RECK: variants seen among roughly 807,000 people sequenced by gnomAD.
The protein encoded by RECK is reversion-inducing cysteine-rich protein with Kazal motifs.
RECK carries 69 observed loss-of-function variants against 115.1 expected under a neutral mutation model. The observed-to-expected ratio is 0.60, with a 90% CI of 0.49 to 0.73. The LOEUF (loss-of-function observed/expected upper bound fraction) is 0.73. Ranked by LOEUF, RECK falls within the 30% of genes least tolerant of loss-of-function variation. The probability of loss-of-function intolerance (pLI) is 0.00; values close to 1 mark genes in which losing one functional copy is unlikely to be tolerated. For missense variants in RECK, 1,047 were observed against 1,203.7 expected (o/e 0.87, Z 1.93); for synonymous variants, 414 against 419.7 (o/e 0.99, Z 0.17).
chr9:36,044,084 T>C (rs1400504697), intron 1 of RECK, among the ~76,000 whole-genome samples: 1 of 152,218 alleles, frequency 6.6e-6, no homozygotes, highest in Non-Finnish European at 1.5e-5. Flanking sequence ...ACAATATTGA[T>C]TCTACCCATC....
At chr9:36,058,753 A>G (rs78323948) in intron 2 of RECK, 74 bp from the exon 3 acceptor site, 64,520 of 825,586 alleles carry the variant, frequency 0.078, 3,288 homozygotes, top group East Asian at 0.25. Flanking sequence ...ATAAATCTAG[A>G]GGATAATAAG....
intron 4 of RECK, among the ~76,000 whole-genome samples, chr9:36,061,870 G>A (rs1029526320): frequency 1.3e-5 from 2 of 152,128 alleles, no homozygotes; most frequent in Non-Finnish European, 2.9e-5. Context: ...TGAGAGCTTT[G>A]TCTATCTGTG....
At chr9:36,116,075 CG>C (rs11313049) in intron 16 of RECK, among the ~76,000 whole-genome samples, 3,774 of 150,522 alleles carry the variant, frequency 0.025, 173 homozygotes, top group African/African-American at 0.087. Context: ...ATCAGATCCT[CG>C]GTCTTGTAGG....
chr9:36,103,562 A>C (rs184428687), intron 12 of RECK, among the ~76,000 whole-genome samples: 17 of 152,326 alleles, frequency 1.1e-4, no homozygotes, highest in Non-Finnish European at 2.1e-4. Flanking sequence ...TTATTTTTTA[A>C]GCTCTGGGCC....
chr9:36,058,913 T>C lies in RECK; in HGVS notation c.234+12T>C, dbSNP rs758170816. On this transcript the variant is annotated intron_variant, in intron 3 of 20. Transcript: ENST00000377966. Reference sequence around the variant, plus strand: ...GCCCAGAGACAATGGTAAGTCTTATTGTAACTTAACTGTAGAAGCTTCTGT... The same window carrying C: ...GCCCAGAGACAATGGTAAGTCTTATCGTAACTTAACTGTAGAAGCTTCTGT... The C allele has an allele frequency of 2.7e-6, 4 of 1,497,092 alleles. No individual in the cohort carries two copies. The highest frequency in any genetic ancestry group is 1.4e-5 in the South Asian group (1 of 71,694). 92.7% of individuals were successfully genotyped at this position (1,497,092 alleles called of 1,614,324 possible). A position where few individuals can be genotyped will look rare whatever the true frequency, so the allele number is the denominator to read the frequency against.
chr9:36,046,429 C>T (rs185214108), intron 1 of RECK, among the ~76,000 whole-genome samples: 5 of 152,198 alleles, frequency 3.3e-5, no homozygotes, highest in Non-Finnish European at 1.5e-5. Flanking sequence ...AAATATGCAA[C>T]GTTAAAGATT....
intron 6 of RECK, among the ~76,000 whole-genome samples, chr9:36,070,311 C>G (rs1339155836): frequency 1.3e-5 from 2 of 151,808 alleles, no homozygotes; most frequent in Admixed American, 1.3e-4. Context: ...ACTAAAAGAC[C>G]CATATCTCAG....
At chr9:36,119,092 T>G (rs1190970131) in intron 18 of RECK, 125 bp downstream of exon 18, 5 of 939,310 alleles carry the variant, frequency 5.3e-6, no homozygotes, top group Non-Finnish European at 7.9e-6. Context: ...GAGATTCTTA[T>G]GCTGATCATA....
intron 6 of RECK, among the ~76,000 whole-genome samples, chr9:36,074,307 A>G (rs1822360560): frequency 6.6e-6 from 1 of 152,234 alleles, no homozygotes; most frequent in African/African-American, 2.4e-5. Flanking sequence ...TGTCTCTGTC[A>G]TTCATTCACT....
At position 36,054,082 on chromosome 9, in the gene RECK, CA is replaced by C. The variant is rs570884961; in HGVS notation, c.159+1760del. On this transcript the variant is annotated intron_variant, in intron 2 of 20. Transcript: ENST00000377966. ...CATCCTGATCATGGGAGAAGTGTAT[CA>C]GGGGTGTGGAGAGAGACCAGGGCTG... 3.8e-3 allele frequency among the ~76,000 whole-genome samples: 584 copies of C among 152,206 alleles called. 5 individuals are homozygous for C. The highest frequency in any genetic ancestry group is 0.014 in the African/African-American group (563 of 41,526).
chr9:36,090,005 A>ACACAC (rs1267463591), intron 9 of RECK, among the ~76,000 whole-genome samples: 2 of 129,812 alleles, frequency 1.5e-5, no homozygotes, highest in Admixed American at 7.7e-5. Flanking sequence ...CACACACACA[A>ACACAC]ATTAGCCAGG....
chr9:36,092,254 G>A lies in RECK; in HGVS notation c.1085+911G>A, dbSNP rs529799955. On this transcript the variant is annotated intron_variant, in intron 10 of 20. Transcript: ENST00000377966. ...TGGTCTGGCTTCTGGTAATTGTGGAGTAGCTTGTATGAGAATAACAGTCCT... is the reference window on the plus strand; with the variant it reads ...TGGTCTGGCTTCTGGTAATTGTGGAATAGCTTGTATGAGAATAACAGTCCT... 4.5e-4 allele frequency among the ~76,000 whole-genome samples: 68 copies of A among 152,310 alleles called. 2 individuals carry two copies. The South Asian group carries it at 0.013, about 30-fold the overall frequency.
intron 9 of RECK, among the ~76,000 whole-genome samples, chr9:36,090,896 A>G: frequency 6.6e-6 from 1 of 152,220 alleles, no homozygotes; most frequent in East Asian, 1.9e-4. Flanking sequence ...AGGATGCACA[A>G]ATACTGTAAT....
rs1008467107 is a variant in RECK, at chr9:36,105,239, G to A, written c.1532G>A (p.Gly511Glu). 4.3e-6 allele frequency: 7 copies of A among 1,613,982 alleles called. No homozygotes were observed. The highest frequency in any genetic ancestry group is 1.6e-4 in the Middle Eastern group (1 of 6,084). ...ANELCEVNRK[G>E]CPSGDPCLPY... ...GAGCTCTGTGAAGTAAACCGAAAAGGATGTCCATCTGGAGATCCCTGTCTT... is the reference window on the plus strand; with the variant it reads ...GAGCTCTGTGAAGTAAACCGAAAAGAATGTCCATCTGGAGATCCCTGTCTT... Residue 511 changes from glycine (G) to glutamate (E), a missense_variant, in exon 13 of 21, where the codon GGA becomes GAA. Coordinates refer to ENST00000377966, the MANE Select transcript of RECK (RefSeq NM_021111.3).
chr9:36,104,414 C>T (rs1173049144), intron 12 of RECK, among the ~76,000 whole-genome samples: 12 of 130,178 alleles, frequency 9.2e-5, no homozygotes, highest in South Asian at 2.6e-4. Flanking sequence ...AGTGCAATCT[C>T]GGCTCATTGC....
chr9:36,058,134 C>G (rs1332355477), intron 2 of RECK, among the ~76,000 whole-genome samples: 2 of 150,704 alleles, frequency 1.3e-5, no homozygotes, highest in African/African-American at 4.9e-5. Flanking sequence ...ACCATTTGAC[C>G]CAGCCATCCC....
chr9:36,036,937 G>A lies in RECK; in HGVS notation c.-62G>A, dbSNP rs2132536143. ...CGCGCGAGCGGCGGCGGTAGCGGCG[G>A]CAGCGGCTGCGGCCAAGCTGGGTCC... On this transcript the variant is annotated 5_prime_UTR_variant, in exon 1 of 21. Coordinates refer to ENST00000377966, the MANE Select transcript of RECK (RefSeq NM_021111.3). 3.6e-6 allele frequency: 4 copies of A among 1,125,996 alleles called. No homozygotes were observed. The highest frequency in any genetic ancestry group is 4.3e-5 in the Admixed American group (1 of 23,194). 69.8% of individuals were successfully genotyped at this position (1,125,996 alleles called of 1,614,324 possible). A position where few individuals can be genotyped will look rare whatever the true frequency, so the allele number is the denominator to read the frequency against.
At chr9:36,107,393 G>C (rs541409105) in intron 13 of RECK, among the ~76,000 whole-genome samples, 1 of 152,144 alleles carries the variant, frequency 6.6e-6, no homozygotes, top group African/African-American at 2.4e-5. Context: ...TTTGAGACCA[G>C]CCTGGCCAAT....
intron 13 of RECK, among the ~76,000 whole-genome samples, chr9:36,106,361 A>C (rs757041525): frequency 6.6e-6 from 1 of 151,346 alleles, no homozygotes; most frequent in Non-Finnish European, 1.5e-5. Context: ...CAGCCTCCCA[A>C]ATAGCTGGGA....
Sources: allele counts gnomAD v4.1 joint callset (sites outside exome capture counted in the v4.1 genomes callset), GRCh38; gene constraint gnomAD v4.1.1; transcripts MANE v1.5; gene names NCBI Gene and HGNC (gene_info 2026-07-23, HGNC 2026-07-21).